The following TRMT44 variants were observed in gnomAD, a reference collection of about 807,000 sequenced individuals.
TRMT44 encodes the protein probable tRNA (uracil-O(2)-)-methyltransferase.
Under a neutral mutation model 77.3 loss-of-function variants are expected in TRMT44, and 78 were observed. The ratio of observed to expected loss-of-function variants is 1.01; its 90% confidence interval spans 0.84 to 1.22. TRMT44 has a LOEUF of 1.22. Among genes scored for constraint, TRMT44 ranks in the 50% most tolerant of loss-of-function variants. The pLI, the probability that TRMT44 is intolerant of heterozygous loss-of-function variation, is 0.00. For missense variants in TRMT44, 1,090 were observed against 964.4 expected (o/e 1.13, Z -1.73); for synonymous variants, 391 against 383.3 (o/e 1.02, Z -0.23).
chr4:8,468,766 A>C (rs1334483276), intron 9 of TRMT44, among the ~76,000 whole-genome samples: 1 of 152,272 alleles, frequency 6.6e-6, no homozygotes, highest in Non-Finnish European at 1.5e-5. Context: ...AAAACACAAC[A>C]ATCATCCATG....
Position 8,471,269 on chromosome 4 carries a change from T to G in TRMT44, c.2044+69T>G, listed in dbSNP as rs561544009. 25 of 1,163,742 alleles carry G rather than the reference T, an allele frequency of 2.1e-5. No homozygotes were observed. The South Asian group carries it at 2.9e-4, about 14-fold the overall frequency. The allele number at this position is 1,163,742 out of a possible 1,614,324, so 72.1% of individuals were successfully genotyped here. On this transcript the variant is annotated intron_variant, in intron 10 of 10. Coordinates refer to ENST00000389737, the MANE Select transcript of TRMT44 (RefSeq NM_152544.3). ...CCCCTTTTTTCAGTTAAATAATGTT[T>G]TATTTTAGAGTGGTTTAGACTCACT... is the stretch of plus-strand genomic sequence containing the variant.
At chr4:8,442,150 G>A (rs1724769415) in intron 1 of TRMT44, among the ~76,000 whole-genome samples, 1 of 152,186 alleles carries the variant, frequency 6.6e-6, no homozygotes, top group African/African-American at 2.4e-5. Context: ...AGTAGGTCTC[G>A]CCCAGAGCAT....
chr4:8,474,193 C>A (rs1560242377), intron 10 of TRMT44, among the ~76,000 whole-genome samples: 2 of 152,222 alleles, frequency 1.3e-5, no homozygotes, highest in African/African-American at 4.8e-5. Context: ...AGGCCCCTCA[C>A]TGTTTGGGAT....
At chr4:8,467,336 T>G (rs918216430) in intron 8 of TRMT44, among the ~76,000 whole-genome samples, 1 of 151,526 alleles carries the variant, frequency 6.6e-6, no homozygotes, top group African/African-American at 2.4e-5. Context: ...GGCCCAGGAG[T>G]GTGGACTCTT....
intron 6 of TRMT44, among the ~76,000 whole-genome samples, chr4:8,463,595 T>C (rs566858432): frequency 6.6e-6 from 1 of 152,248 alleles, no homozygotes; most frequent in Non-Finnish European, 1.5e-5. Flanking sequence ...TTCAGACCTC[T>C]CTGCCTTCCA....
At chr4:8,490,401 G>A (rs1210131452) in intron 2 of TRMT44, among the ~76,000 whole-genome samples, 1 of 152,108 alleles carries the variant, frequency 6.6e-6, no homozygotes, top group Non-Finnish European at 1.5e-5. Flanking sequence ...GTGGATTCGT[G>A]GTCTCGCTGG....
chr4:8,511,725 A>C, the TRMT44 span: 1 of 128,346 alleles, frequency 7.8e-6, no homozygotes, highest in Non-Finnish European at 1.6e-5. Flanking sequence ...TGCATTTGGC[A>C]AAAAAAAAAA....
chr4:8,468,164 A>T lies in TRMT44; in HGVS notation c.1745A>T (p.Glu582Val). 3 of 1,614,108 alleles carry T rather than the reference A, an allele frequency of 1.9e-6. No homozygotes were observed. Among genetic ancestry groups the T allele is most frequent in the Non-Finnish European group, 2.5e-6 (3 of 1,180,028 alleles). Residue 582 changes from glutamate (E) to valine (V), a missense_variant, in exon 9 of 11, where the codon GAA becomes GTA. Glu to Val is a moderately radical substitution (Grantham distance 121). Coordinates refer to ENST00000389737, the MANE Select transcript of TRMT44 (RefSeq NM_152544.3). ...AAEHGAGPQAEGPWLPGFHPR... is the reference protein window; with the variant it reads ...AAEHGAGPQAVGPWLPGFHPR... ...GAGCATGGAGCAGGGCCCCAGGCTGAAGGACCCTGGCTACCTGGATTTCAT... is the reference window on the plus strand; with the variant it reads ...GAGCATGGAGCAGGGCCCCAGGCTGTAGGACCCTGGCTACCTGGATTTCAT...
chr4:8,479,136 C>T (rs946162295), downstream of TRMT44: 3 of 152,154 alleles, frequency 2.0e-5, no homozygotes, highest in Admixed American at 6.6e-5. Flanking sequence ...ACGAGGAACC[C>T]GGGCCTTGTG....
At chr4:8,507,900 A>ATTTGT in the TRMT44 span, among the ~76,000 whole-genome samples, 7 of 151,374 alleles carry the variant, frequency 4.6e-5, no homozygotes, top group African/African-American at 1.2e-4. Flanking sequence ...TTTTGCTTTG[A>ATTTGT]TTTGTTTTGT....
chr4:8,452,857 T>C lies in TRMT44; in HGVS notation c.1024-25T>C, dbSNP rs1465226868. 7.2e-7 allele frequency: 1 copy of C among 1,395,358 alleles called. No homozygotes were observed. The highest frequency in any genetic ancestry group is 1.5e-5 in the African/African-American group (1 of 68,726). The allele number at this position is 1,395,358 out of a possible 1,614,324, so 86.4% of individuals were successfully genotyped here. A position where few individuals can be genotyped will look rare whatever the true frequency, so the allele number is the denominator to read the frequency against. On this transcript the variant is annotated intron_variant, in intron 4 of 10. Transcript: ENST00000389737. This position sits in a 1 kb window ranked among gnomAD's most constrained non-coding sequence, Gnocchi z 5.7. Reference sequence around the variant, plus strand: ...GCGTAGAGTGAATTACCACCTGACTTTGTTTTGTTTTTCTCTTCACTTAGA... The same window carrying C: ...GCGTAGAGTGAATTACCACCTGACTCTGTTTTGTTTTTCTCTTCACTTAGA...
intron 2 of TRMT44, among the ~76,000 whole-genome samples, chr4:8,486,995 G>A (rs1408739097): frequency 1.3e-5 from 2 of 152,140 alleles, no homozygotes; most frequent in South Asian, 2.1e-4. Flanking sequence ...GGGGACAGGC[G>A]GGAGGGAAAG....
chr4:8,491,868 G>T, intron 2 of TRMT44, among the ~76,000 whole-genome samples: 1 of 152,252 alleles, frequency 6.6e-6, no homozygotes, highest in Non-Finnish European at 1.5e-5. Flanking sequence ...CAGTGCAGCG[G>T]TGGGCTGAAG....
chr4:8,514,513 G>A, the TRMT44 span, among the ~76,000 whole-genome samples: 1 of 152,026 alleles, frequency 6.6e-6, no homozygotes, highest in African/African-American at 2.4e-5. Flanking sequence ...CTGACCTCAG[G>A]TGATCCGCCC....
downstream of TRMT44, chr4:8,478,949 C>G (rs1727522233): frequency 6.6e-6 from 1 of 152,214 alleles, no homozygotes; most frequent in South Asian, 2.1e-4. Context: ...GCCCCTTGGA[C>G]TGGTGCTGGG....
downstream of TRMT44, among the ~76,000 whole-genome samples, chr4:8,495,700 T>G (rs1728131473): frequency 6.7e-6 from 1 of 149,620 alleles, no homozygotes; most frequent in Admixed American, 6.7e-5. Context: ...GCACACCCTG[T>G]CCTTGTCTTG....
the TRMT44 span, among the ~76,000 whole-genome samples, chr4:8,514,539 T>C: frequency 1.3e-5 from 2 of 151,954 alleles, no homozygotes; most frequent in Non-Finnish European, 2.9e-5. Flanking sequence ...AGCCTCCCTA[T>C]GTGCTGGGAT....
At chr4:8,487,204 G>A (rs957132280) in intron 2 of TRMT44, among the ~76,000 whole-genome samples, 6 of 152,262 alleles carry the variant, frequency 3.9e-5, no homozygotes, top group East Asian at 1.9e-4. Context: ...GGGGTCAAGC[G>A]GCATTGCAGA....
At chr4:8,443,180 G>C (rs1320749022) in intron 1 of TRMT44, among the ~76,000 whole-genome samples, 2 of 152,122 alleles carry the variant, frequency 1.3e-5, no homozygotes, top group African/African-American at 2.4e-5. Flanking sequence ...TCTAGTTTAG[G>C]AGTTCTTCCA....
Sources: allele counts gnomAD v4.1 joint callset (sites outside exome capture counted in the v4.1 genomes callset), GRCh38; gene constraint gnomAD v4.1.1; non-coding constraint Gnocchi (gnomAD v3.1); transcripts MANE v1.5; gene names NCBI Gene and HGNC (gene_info 2026-07-23, HGNC 2026-07-21).